Variants in MYO9A observed in about 807,000 individuals in gnomAD.
MYO9A encodes unconventional myosin-IXa.
MYO9A carries 103 observed loss-of-function variants against 293.3 expected under a neutral mutation model. The observed-to-expected ratio is 0.35, with a 90% CI of 0.30 to 0.41. MYO9A has a LOEUF of 0.41. Ranked by LOEUF, MYO9A falls within the 10% of genes least tolerant of loss-of-function variation. The pLI, the probability that MYO9A is intolerant of heterozygous loss-of-function variation, is 1.00. For missense variants in MYO9A, 2,685 were observed against 3,033.0 expected (o/e 0.89, Z 2.69); for synonymous variants, 1,001 against 1,035.7 (o/e 0.97, Z 0.64).
At chr15:71,923,983 G>A (rs1444385642) in intron 18 of MYO9A, among the ~76,000 whole-genome samples, 1 of 151,964 alleles carries the variant, frequency 6.6e-6, no homozygotes, top group Non-Finnish European at 1.5e-5. Flanking sequence ...GACAATTATT[G>A]CTATAAACTT....
At chr15:72,021,225 CA>C (rs2077493805) in intron 4 of MYO9A, among the ~76,000 whole-genome samples, 1 of 152,130 alleles carries the variant, frequency 6.6e-6, no homozygotes, top group African/African-American at 2.4e-5. Flanking sequence ...ATGAAGGCAG[CA>C]AAGTTAACAA....
chr15:72,001,326 G>A (rs936230638), intron 8 of MYO9A, among the ~76,000 whole-genome samples: 20 of 152,084 alleles, frequency 1.3e-4, no homozygotes, highest in African/African-American at 4.6e-4. Context: ...AGGCCAAGGT[G>A]GGCGGATCAC....
At position 71,994,481 on chromosome 15, in the gene MYO9A, C is replaced by G; in HGVS notation, c.1575G>C (p.Glu525Asp). 6.3e-7 allele frequency: 1 copy of G among 1,582,694 alleles called. No homozygotes were observed. Among genetic ancestry groups the G allele is most frequent in the South Asian group, 1.1e-5 (1 of 87,038 alleles). ...NHALLNSKDL[E>D]HNTKTLSIGV... ...AATATATCATTACCTTGGTATTATG[C>G]TCTAAATCTTTACTATTCAGAAGTG... The change falls in exon 10 of 42, where the codon GAG becomes GAC. Residue 525 changes from glutamate to aspartate, a missense_variant. Glu to Asp is a conservative substitution (Grantham distance 45, BLOSUM62 2). Around this residue, in one of 10 missense-constraint regions of MYO9A, gnomAD observed 201 missense variants for 245.2 expected, o/e 0.82. Coordinates refer to ENST00000356056, the MANE Select transcript of MYO9A (RefSeq NM_006901.4).
intron 11 of MYO9A, among the ~76,000 whole-genome samples, chr15:71,988,150 G>A (rs1210204859): frequency 6.6e-6 from 1 of 152,172 alleles, no homozygotes; most frequent in Non-Finnish European, 1.5e-5. Context: ...CAGAGCAACT[G>A]ATGTTCTGCT....
At chr15:72,101,207 CTCT>C (rs2080296712) in intron 1 of MYO9A, among the ~76,000 whole-genome samples, 1 of 133,976 alleles carries the variant, frequency 7.5e-6, no homozygotes, top group African/African-American at 2.8e-5. Context: ...TGAGGAGCCC[CTCT>C]GCCCGGCCAG....
At chr15:72,011,579 C>T (rs892539987) in intron 6 of MYO9A, among the ~76,000 whole-genome samples, 5 of 150,236 alleles carry the variant, frequency 3.3e-5, no homozygotes, top group Non-Finnish European at 7.4e-5. Context: ...CTGGGCAACA[C>T]GCATGACACC....
chr15:71,955,546 A>T (rs1391259643), intron 14 of MYO9A, among the ~76,000 whole-genome samples: 1 of 152,126 alleles, frequency 6.6e-6, no homozygotes, highest in Non-Finnish European at 1.5e-5. Context: ...GTTTCTTTTC[A>T]TTGCTGAGTA....
chr15:71,914,197 T>A (rs941424097), intron 19 of MYO9A, among the ~76,000 whole-genome samples: 1 of 152,174 alleles, frequency 6.6e-6, no homozygotes, highest in Non-Finnish European at 1.5e-5. Context: ...TTTGTTTGGG[T>A]TTCCTCTTCC....
At chr15:72,053,896 A>C (rs1427059875) in intron 1 of MYO9A, among the ~76,000 whole-genome samples, 1 of 152,204 alleles carries the variant, frequency 6.6e-6, no homozygotes, top group Non-Finnish European at 1.5e-5. Flanking sequence ...AGAAGAGAAA[A>C]AAGTCAGAAT....
intron 15 of MYO9A, among the ~76,000 whole-genome samples, chr15:71,942,927 T>C (rs897247528): frequency 6.6e-6 from 1 of 152,078 alleles, no homozygotes; most frequent in African/African-American, 2.4e-5. Context: ...ATTTTTAAAA[T>C]CTATATAGGT....
chr15:71,888,282 A>C (rs905610573), intron 26 of MYO9A, 166 bp from the exon 27 acceptor site: 1 of 391,206 alleles, frequency 2.6e-6, no homozygotes, highest in Non-Finnish European at 4.6e-6. Flanking sequence ...ACTCTATATA[A>C]AGTAATCTGA....
intron 8 of MYO9A, among the ~76,000 whole-genome samples, chr15:72,000,374 AATATAC>A (rs2076828825): frequency 6.6e-6 from 1 of 152,198 alleles, no homozygotes; most frequent in African/African-American, 2.4e-5. Flanking sequence ...AATATTCCAA[AATATAC>A]TTATGTTTCA....
chr15:72,043,409 T>G (rs2078285757), intron 2 of MYO9A, among the ~76,000 whole-genome samples: 1 of 152,154 alleles, frequency 6.6e-6, no homozygotes, highest in Admixed American at 6.5e-5. Context: ...TAAACTTGAA[T>G]GTAATAGCCA....
intron 32 of MYO9A, among the ~76,000 whole-genome samples, chr15:71,869,167 A>G (rs1241579948): frequency 6.6e-6 from 1 of 152,216 alleles, no homozygotes; most frequent in African/African-American, 2.4e-5. Context: ...ATAAGAGGAC[A>G]CTTATTTACA....
chr15:71,918,710 T>C (rs555654668), intron 18 of MYO9A, among the ~76,000 whole-genome samples: 22 of 152,188 alleles, frequency 1.4e-4, no homozygotes, highest in Non-Finnish European at 2.9e-4. Flanking sequence ...CCTAAAATAA[T>C]TCCCCCACTT....
At chr15:72,085,149 C>T (rs1215029279) in intron 1 of MYO9A, among the ~76,000 whole-genome samples, 3 of 152,146 alleles carry the variant, frequency 2.0e-5, no homozygotes, top group Non-Finnish European at 2.9e-5. Flanking sequence ...AGTCCCAGCA[C>T]TTTGGGAGGC....
chr15:72,069,831 G>T (rs545322731), intron 1 of MYO9A, among the ~76,000 whole-genome samples: 7 of 151,952 alleles, frequency 4.6e-5, no homozygotes. Flanking sequence ...GCGCAGGGCC[G>T]GGGGAGGCTG....
At chr15:72,075,666 T>C (rs2079328254) in intron 1 of MYO9A, among the ~76,000 whole-genome samples, 1 of 152,050 alleles carries the variant, frequency 6.6e-6, no homozygotes, top group Non-Finnish European at 1.5e-5. Context: ...GATTCACGCC[T>C]GTAATTCCAG....
intron 2 of MYO9A, chr15:72,036,672 G>A (rs1316559315): frequency 1.3e-5 from 2 of 151,778 alleles, no homozygotes; most frequent in African/African-American, 4.8e-5. Context: ...CATTTCCCTG[G>A]AAAAACTCAC....
Sources: gnomAD v4.1 joint callset for allele counts (sites outside exome capture counted in the v4.1 genomes callset) on GRCh38, gnomAD v4.1.1 for gene constraint, gnomAD v4.1.1 regional missense constraint, MANE v1.5 for transcripts, NCBI Gene and HGNC (gene_info 2026-07-23, HGNC 2026-07-21) for gene names.